The following PARP8 variants were observed in gnomAD, a reference collection of about 807,000 sequenced individuals.
PARP8 encodes poly(ADP-ribose) polymerase family member 8, also known as protein mono-ADP-ribosyltransferase PARP8.
Under a neutral mutation model 124.1 loss-of-function variants are expected in PARP8, and 51 were observed. The observed-to-expected ratio is 0.41, with a 90% CI of 0.33 to 0.52. PARP8 has a LOEUF of 0.52. PARP8 is among the 20% of genes least tolerant of loss of function. PARP8 has a pLI of 0.21. For synonymous variants in PARP8, 391 were observed against 361.5 expected, an observed-to-expected ratio of 1.08 and a Z score of -0.93; for missense variants, 860 against 1,018.9, an observed-to-expected ratio of 0.84 and a Z score of 2.12.
chr5:50,667,410 G>A lies in PARP8; in HGVS notation c.91+224G>A. 4 of 703,452 alleles carry A rather than the reference G, an allele frequency of 5.7e-6. No individual in the cohort carries two copies. In the South Asian group the frequency reaches 6.0e-5, roughly 10 times the overall value. The allele number at this position is 703,452 out of a possible 1,614,324, so 43.6% of individuals were successfully genotyped here. Reference sequence around the variant, plus strand: ...AGTCTGAGGCAGCCACCAGCTTTGAGGGCAGAGCCCGCGTGGCCGGAGCGG... The same window carrying A: ...AGTCTGAGGCAGCCACCAGCTTTGAAGGCAGAGCCCGCGTGGCCGGAGCGG... On this transcript the variant is annotated intron_variant, in intron 1 of 25. Coordinates refer to ENST00000281631, the MANE Select transcript of PARP8 (RefSeq NM_024615.4).
chr5:50,844,633 T>C lies in PARP8; in HGVS notation c.*2565T>C, dbSNP rs1748480628. 1 of 151,832 alleles carries C rather than the reference T, an allele frequency of 6.6e-6. No individual in the cohort carries two copies. The highest frequency in any genetic ancestry group is 2.4e-5 in the African/African-American group (1 of 41,414). The allele number at this position is 151,832 out of a possible 1,614,324, so 9.4% of individuals were successfully genotyped here. A position where few individuals can be genotyped will look rare whatever the true frequency, so the allele number is the denominator to read the frequency against. Reference sequence around the variant, plus strand: ...AAATCTGTTCACCAATGCTTTGTAATGGTTTTATTAATTGTGTAGCCATTG... The same window carrying C: ...AAATCTGTTCACCAATGCTTTGTAACGGTTTTATTAATTGTGTAGCCATTG... On this transcript the variant is annotated 3_prime_UTR_variant, in exon 26 of 26. Coordinates refer to ENST00000281631, the MANE Select transcript of PARP8 (RefSeq NM_024615.4).
chr5:50,810,175 G>T (rs549520794), intron 14 of PARP8, among the ~76,000 whole-genome samples: 31 of 151,836 alleles, frequency 2.0e-4, no homozygotes, highest in Non-Finnish European at 3.8e-4. Context: ...AAATATGTAC[G>T]TGTTGATAAT....
chr5:50,745,596 A>G (rs1455185908), intron 2 of PARP8, among the ~76,000 whole-genome samples: 4 of 152,234 alleles, frequency 2.6e-5, no homozygotes, highest in Non-Finnish European at 5.9e-5. Flanking sequence ...GAACTACAAC[A>G]GGCCCTCTAA....
intron 14 of PARP8, among the ~76,000 whole-genome samples, chr5:50,802,087 A>G (rs1743291082): frequency 6.6e-6 from 1 of 152,218 alleles, no homozygotes; most frequent in Non-Finnish European, 1.5e-5. Flanking sequence ...CATAATTACT[A>G]ATAAGGAAAG....
intron 14 of PARP8, among the ~76,000 whole-genome samples, chr5:50,800,060 C>T (rs1743029946): frequency 1.3e-5 from 2 of 152,310 alleles, no homozygotes. Flanking sequence ...TTAACCTTTC[C>T]AATTCATGTA....
intron 2 of PARP8, among the ~76,000 whole-genome samples, chr5:50,710,703 G>A (rs1273582371): frequency 1.3e-5 from 2 of 151,822 alleles, no homozygotes; most frequent in African/African-American, 4.8e-5. Flanking sequence ...GAATTGTCTT[G>A]GACTTCATTC....
At chr5:50,716,074 A>C (rs1279759261) in intron 2 of PARP8, among the ~76,000 whole-genome samples, 1 of 152,102 alleles carries the variant, frequency 6.6e-6, no homozygotes. Flanking sequence ...CTTTCCAAAA[A>C]CTTGCTGTGA....
At chr5:50,697,284 T>C (rs1579994086) in intron 2 of PARP8, among the ~76,000 whole-genome samples, 1 of 151,728 alleles carries the variant, frequency 6.6e-6, no homozygotes, top group African/African-American at 2.4e-5. Context: ...AAAGAATGAG[T>C]CTGAAAACAA....
At chr5:50,790,578 G>A (rs756893525) in intron 10 of PARP8, among the ~76,000 whole-genome samples, 4 of 151,990 alleles carry the variant, frequency 2.6e-5, no homozygotes, top group Non-Finnish European at 4.4e-5. Context: ...GTGGCATGGA[G>A]CTGATCAAAA....
chr5:50,682,272 A>C (rs534838016), intron 2 of PARP8, among the ~76,000 whole-genome samples: 1 of 152,264 alleles, frequency 6.6e-6, no homozygotes, highest in South Asian at 2.1e-4. Context: ...GAATCAATAC[A>C]CCTTGGGAGG....
At chr5:50,814,384 C>T (rs1296727623) in intron 14 of PARP8, among the ~76,000 whole-genome samples, 2 of 152,082 alleles carry the variant, frequency 1.3e-5, no homozygotes, top group African/African-American at 4.8e-5. Context: ...ATATATATTG[C>T]AGAGTGTGTA....
chr5:50,743,883 T>C (rs933305276), intron 2 of PARP8, among the ~76,000 whole-genome samples: 9 of 152,254 alleles, frequency 5.9e-5, no homozygotes, highest in Non-Finnish European at 1.0e-4. Flanking sequence ...TGCTTTTTCT[T>C]ATTTAAATTC....
intron 14 of PARP8, among the ~76,000 whole-genome samples, chr5:50,801,150 T>G (rs1054658344): frequency 6.6e-6 from 1 of 151,980 alleles, no homozygotes; most frequent in Non-Finnish European, 1.5e-5. Context: ...GTTTTGCTTT[T>G]GTTGCCCTGG....
intron 2 of PARP8, among the ~76,000 whole-genome samples, chr5:50,695,630 A>G (rs546173040): frequency 6.6e-6 from 1 of 152,308 alleles, no homozygotes; most frequent in East Asian, 1.9e-4. Flanking sequence ...TTTCATTCTA[A>G]TATTTGCATC....
intron 25 of PARP8, among the ~76,000 whole-genome samples, chr5:50,838,435 A>G (rs1419700272): frequency 4.6e-5 from 7 of 152,034 alleles, no homozygotes; most frequent in Non-Finnish European, 1.0e-4. Context: ...AAGACTTATT[A>G]AACATTACCG....
chr5:50,814,619 T>C (rs1744877008), intron 14 of PARP8, among the ~76,000 whole-genome samples: 1 of 152,110 alleles, frequency 6.6e-6, no homozygotes, highest in Non-Finnish European at 1.5e-5. Context: ...TAAATGATGT[T>C]CAGAATGGGG....
chr5:50,734,301 C>CT, intron 2 of PARP8, among the ~76,000 whole-genome samples: 1 of 152,136 alleles, frequency 6.6e-6, no homozygotes, highest in South Asian at 2.1e-4. Flanking sequence ...TCTTTTCCTT[C>CT]TCTTCATGAT....
chr5:50,758,224 C>G (rs1033709796), intron 3 of PARP8, among the ~76,000 whole-genome samples: 1 of 152,056 alleles, frequency 6.6e-6, no homozygotes, highest in Non-Finnish European at 1.5e-5. Flanking sequence ...TGGTCCCACT[C>G]GATAAGCATG....
At chr5:50,803,362 A>AT (rs1399601955) in intron 14 of PARP8, among the ~76,000 whole-genome samples, 1 of 151,500 alleles carries the variant, frequency 6.6e-6, no homozygotes, top group East Asian at 1.9e-4. Context: ...GTGTAGATTA[A>AT]TTTTTTTCTA....
Sources: allele counts gnomAD v4.1 joint callset (sites outside exome capture counted in the v4.1 genomes callset), GRCh38; gene constraint gnomAD v4.1.1; transcripts MANE v1.5; gene names NCBI Gene and HGNC (gene_info 2026-07-23, HGNC 2026-07-21).